GALK2: variants seen among roughly 807,000 people sequenced by gnomAD.
The protein encoded by GALK2 is galactokinase 2, also known as N-acetylgalactosamine kinase.
In GALK2, 36 loss-of-function variants were observed where a neutral mutation model predicts 52.4. The observed-to-expected ratio is 0.69, with a 90% CI of 0.53 to 0.91. The LOEUF (loss-of-function observed/expected upper bound fraction) is 0.91. Among genes scored for constraint, GALK2 ranks in the 40% least tolerant of loss-of-function variants. GALK2 has a pLI of 0.00. For synonymous variants in GALK2, 176 were observed against 199.1 expected, an observed-to-expected ratio of 0.88 and a Z score of 0.98; for missense variants, 579 against 559.1, an observed-to-expected ratio of 1.04 and a Z score of -0.36.
chr15:49,258,834 G>GTGTGTGTA (rs2091944567), intron 5 of GALK2, among the ~76,000 whole-genome samples: 1 of 145,584 alleles, frequency 6.9e-6, no homozygotes, highest in Non-Finnish European at 1.5e-5. Context: ...GTGTGTGAGA[G>GTGTGTGTA]AGAGAGAGAG....
intron 8 of GALK2, among the ~76,000 whole-genome samples, chr15:49,299,747 C>CTTTCTTTCTTTTTTTTT (rs1567037353): frequency 1.4e-4 from 17 of 121,674 alleles, no homozygotes; most frequent in African/African-American, 5.5e-4. Context: ...TTCTTTCTTT[C>CTTTCTTTCTTTTTTTTT]TTTCTTTCTT....
intron 3 of GALK2, among the ~76,000 whole-genome samples, chr15:49,349,964 T>G (rs1250212536): frequency 6.6e-6 from 1 of 152,202 alleles, no homozygotes; most frequent in Non-Finnish European, 1.5e-5. Context: ...GATGGGAAAT[T>G]AACTTTGTTG....
At chr15:49,180,555 A>G (rs1305898961) in intron 1 of GALK2, among the ~76,000 whole-genome samples, 1 of 152,230 alleles carries the variant, frequency 6.6e-6, no homozygotes, top group African/African-American at 2.4e-5. Context: ...TTCAAATGCA[A>G]AATTGATGAT....
intron 3 of GALK2, among the ~76,000 whole-genome samples, chr15:49,363,626 G>A (rs553490705): frequency 2.6e-5 from 4 of 152,200 alleles, no homozygotes; most frequent in East Asian, 1.9e-4. Flanking sequence ...TCTTTCTCTT[G>A]TCTGATTGCT....
chr15:49,276,952 A>T (rs1464610022), intron 5 of GALK2, among the ~76,000 whole-genome samples: 268 of 21,094 alleles, frequency 0.013, no homozygotes, highest in Middle Eastern at 0.091. Flanking sequence ...TTTTGTTTCT[A>T]GTTTCTTTTT....
intron 9 of GALK2, among the ~76,000 whole-genome samples, chr15:49,325,326 G>A (rs1454185193): frequency 4.6e-5 from 7 of 152,210 alleles, no homozygotes; most frequent in African/African-American, 7.2e-5. Flanking sequence ...AGTGGGATCC[G>A]AGGGATTTTA....
chr15:49,329,267 G>GC lies in GALK2; in HGVS notation c.*1109dup. 2.0e-6 allele frequency: 2 copies of GC among 985,428 alleles called. No homozygotes were observed. Among genetic ancestry groups the GC allele is most frequent in the Non-Finnish European group, 2.4e-6 (2 of 829,942 alleles). The allele number at this position is 985,428 out of a possible 1,614,324, so 61.0% of individuals were successfully genotyped here. The stretch of plus-strand genomic sequence containing the variant: ...TATCAAGAGTGGGCAGAAATGTTTG[G>GC]CTGGTGATGGCAAATGACTGGCTTT... On this transcript the variant is annotated 3_prime_UTR_variant, in exon 10 of 10. Transcript: ENST00000560031.
At chr15:49,175,829 G>A (rs1446353613) in intron 1 of GALK2, among the ~76,000 whole-genome samples, 1 of 152,178 alleles carries the variant, frequency 6.6e-6, no homozygotes, top group African/African-American at 2.4e-5. Flanking sequence ...AAAGCACTGT[G>A]AAGATCCCTG....
chr15:49,204,432 A>G (rs1268252468), intron 2 of GALK2, among the ~76,000 whole-genome samples: 1 of 152,064 alleles, frequency 6.6e-6, no homozygotes, highest in East Asian at 1.9e-4. Context: ...TAGTATGGTC[A>G]TTTTAACAAT....
At chr15:49,172,000 T>G (rs2085134415) in intron 1 of GALK2, among the ~76,000 whole-genome samples, 1 of 152,176 alleles carries the variant, frequency 6.6e-6, no homozygotes, top group South Asian at 2.1e-4. Flanking sequence ...CTCCAACTTG[T>G]GACCTCAAGT....
chr15:49,211,389 C>T (rs897838035), intron 2 of GALK2, among the ~76,000 whole-genome samples: 1 of 152,206 alleles, frequency 6.6e-6, no homozygotes, highest in Non-Finnish European at 1.5e-5. Flanking sequence ...CAACAAGTTT[C>T]TTGGAAGTTC....
intron 5 of GALK2, among the ~76,000 whole-genome samples, chr15:49,267,193 A>G (rs916885418): frequency 6.6e-6 from 1 of 152,218 alleles, no homozygotes; most frequent in Non-Finnish European, 1.5e-5. Context: ...ATGGGAAGTT[A>G]TAGCCAAGGA....
At chr15:49,230,706 GAC>G (rs887028444) in intron 3 of GALK2, among the ~76,000 whole-genome samples, 3 of 152,260 alleles carry the variant, frequency 2.0e-5, no homozygotes, top group Admixed American at 6.5e-5. Context: ...CCCAGGTCCA[GAC>G]ACACACAGGG....
downstream of GALK2, chr15:49,335,366 C>T (rs2039525888): frequency 8.5e-7 from 1 of 1,183,380 alleles, no homozygotes; most frequent in Non-Finnish European, 1.2e-6. Flanking sequence ...TGATTGTTTC[C>T]AGTTCTAAAA....
chr15:49,327,825 T>C (rs1236746267), intron 9 of GALK2, 127 bp from the exon 10 acceptor site: 4 of 795,062 alleles, frequency 5.0e-6, no homozygotes, highest in Non-Finnish European at 3.9e-6. Flanking sequence ...AAATGTTTGA[T>C]GACACCTAAA....
intron 8 of GALK2, among the ~76,000 whole-genome samples, chr15:49,311,098 C>A (rs1323138999): frequency 6.6e-6 from 1 of 152,124 alleles, no homozygotes; most frequent in Non-Finnish European, 1.5e-5. Flanking sequence ...TATTTGTCTT[C>A]TTCTGCATAT....
chr15:49,294,583 A>G (rs888465694), intron 8 of GALK2, among the ~76,000 whole-genome samples: 1 of 152,174 alleles, frequency 6.6e-6, no homozygotes, highest in Non-Finnish European at 1.5e-5. Flanking sequence ...TTGACCTGAG[A>G]TATTGATTTC....
chr15:49,326,533 AG>A (rs1290647757), intron 9 of GALK2, among the ~76,000 whole-genome samples: 1 of 152,130 alleles, frequency 6.6e-6, no homozygotes, highest in African/African-American at 2.4e-5. Flanking sequence ...TACAGGCGTG[AG>A]CCACTGCACC....
In GALK2 at chr15:49,275,826, A is replaced by G. The variant is rs909638374; in HGVS notation, c.505-6161A>G. 7.9e-5 allele frequency among the ~76,000 whole-genome samples: 12 copies of G among 152,278 alleles called. 1 individual carries two copies. The highest frequency in any genetic ancestry group is 7.2e-4 in the Admixed American group (11 of 15,290). On this transcript the variant is annotated intron_variant, in intron 5 of 9. Transcript: ENST00000560031. ...GTTAGATTTAATTAGATTCTCTATT[A>G]AATTGAACCCTGTTATTTCATTTCT...
Sources: allele counts gnomAD v4.1 joint callset (sites outside exome capture counted in the v4.1 genomes callset), GRCh38; gene constraint gnomAD v4.1.1; transcripts MANE v1.5; gene names NCBI Gene and HGNC (gene_info 2026-07-23, HGNC 2026-07-21).